Variants in GALNT17 observed in about 807,000 individuals in gnomAD.
The protein encoded by GALNT17 is UDP-GalNAc:polypeptide N-acetylgalactosaminyltransferase-like 3.
In GALNT17, 29 loss-of-function variants were observed where a neutral mutation model predicts 63.7. The observed-to-expected ratio is 0.46, with a 90% CI of 0.34 to 0.62. GALNT17 has a LOEUF of 0.62. Ranked by LOEUF, GALNT17 falls within the 20% of genes least tolerant of loss-of-function variation. GALNT17 has a pLI of 0.01. For synonymous variants in GALNT17, 305 were observed against 318.3 expected, an observed-to-expected ratio of 0.96 and a Z score of 0.45; for missense variants, 603 against 799.6, an observed-to-expected ratio of 0.75 and a Z score of 2.97.
At chr7:71,579,806 A>G (rs528108196) in intron 6 of GALNT17, among the ~76,000 whole-genome samples, 14 of 152,222 alleles carry the variant, frequency 9.2e-5, no homozygotes, top group African/African-American at 3.1e-4. Context: ...TTTCTTAAGG[A>G]TCACTGTAGA....
intron 1 of GALNT17, among the ~76,000 whole-genome samples, chr7:71,310,988 C>A (rs1177910253): frequency 1.3e-5 from 2 of 152,184 alleles, no homozygotes; most frequent in African/African-American, 2.4e-5. Context: ...GAGCAGCTCG[C>A]CGCTGATGAG....
intron 10 of GALNT17, 43 bp downstream of exon 10, chr7:71,710,971 A>C (rs1325676197): frequency 6.3e-7 from 1 of 1,598,898 alleles, no homozygotes. Flanking sequence ...AGTAGCTGCA[A>C]GAGGCTGCAG....
chr7:71,572,690 A>C (rs1346033337), intron 6 of GALNT17, among the ~76,000 whole-genome samples: 3 of 152,086 alleles, frequency 2.0e-5, no homozygotes, highest in Admixed American at 2.0e-4. Context: ...CTCTTAGCAA[A>C]TTAAAAGTCT....
intron 1 of GALNT17, among the ~76,000 whole-genome samples, chr7:71,142,460 C>G (rs901886154): frequency 6.6e-6 from 1 of 152,188 alleles, no homozygotes; most frequent in Non-Finnish European, 1.5e-5. Context: ...GAAATGGCAG[C>G]CTGTCTGACA....
At chr7:71,621,114 A>G (rs1056929635) in intron 6 of GALNT17, among the ~76,000 whole-genome samples, 3 of 152,224 alleles carry the variant, frequency 2.0e-5, no homozygotes, top group Admixed American at 6.5e-5. Flanking sequence ...CAGCATTCCC[A>G]TATTTTAATT....
intron 1 of GALNT17, among the ~76,000 whole-genome samples, chr7:71,212,371 A>G (rs112971651): frequency 0.042 from 6,310 of 151,300 alleles, 438 homozygotes; most frequent in African/African-American, 0.14. Flanking sequence ...GTATGGAAAA[A>G]CCTGGATGCC....
intron 5 of GALNT17, among the ~76,000 whole-genome samples, chr7:71,515,587 A>C (rs564579682): frequency 1.3e-5 from 2 of 152,038 alleles, no homozygotes; most frequent in African/African-American, 2.4e-5. Context: ...CGCACTCCCT[A>C]CTCATGGATA....
intron 1 of GALNT17, among the ~76,000 whole-genome samples, chr7:71,215,674 G>A (rs1389942160): frequency 6.6e-6 from 1 of 152,062 alleles, no homozygotes; most frequent in Non-Finnish European, 1.5e-5. Flanking sequence ...CATGTCACCT[G>A]TAAATGTCGG....
chr7:71,211,691 G>A (rs1789380797), intron 1 of GALNT17, among the ~76,000 whole-genome samples: 1 of 152,160 alleles, frequency 6.6e-6, no homozygotes, highest in African/African-American at 2.4e-5. Context: ...GGACAATAAG[G>A]TCCAGGCTGA....
At chr7:71,568,963 A>AATTG (rs35988064) in intron 5 of GALNT17, among the ~76,000 whole-genome samples, 85 of 152,122 alleles carry the variant, frequency 5.6e-4, no homozygotes, top group Non-Finnish European at 1.0e-3. Context: ...ATGATTTATC[A>AATTG]ATTGATTGAT....
chr7:71,532,855 C>T (rs1474425613), intron 5 of GALNT17, among the ~76,000 whole-genome samples: 1 of 152,150 alleles, frequency 6.6e-6, no homozygotes, highest in African/African-American at 2.4e-5. Context: ...GAGCTTCTCC[C>T]AGTAAAAGCC....
chr7:71,184,947 C>A (rs1246034100), intron 1 of GALNT17, among the ~76,000 whole-genome samples: 44 of 57,472 alleles, frequency 7.7e-4, no homozygotes, highest in Middle Eastern at 0.02. Context: ...TCACTTCCTT[C>A]CTTCCTTCCT....
intron 1 of GALNT17, among the ~76,000 whole-genome samples, chr7:71,255,244 C>T (rs58101867): frequency 0.051 from 7,703 of 152,206 alleles, 666 homozygotes; most frequent in African/African-American, 0.18. Context: ...CTGAATCATG[C>T]GGGTGGGTCT....
intron 5 of GALNT17, among the ~76,000 whole-genome samples, chr7:71,515,504 A>G (rs1788430443): frequency 6.6e-6 from 1 of 152,170 alleles, no homozygotes; most frequent in African/African-American, 2.4e-5. Flanking sequence ...CATCAGACGC[A>G]GTGATAGTGT....
chr7:71,324,563 C>T (rs958051995), intron 1 of GALNT17, among the ~76,000 whole-genome samples: 1 of 152,104 alleles, frequency 6.6e-6, no homozygotes. Context: ...GAGGTTGAGG[C>T]AGGAGAATCG....
At chr7:71,473,707 T>C (rs1787678870) in intron 5 of GALNT17, among the ~76,000 whole-genome samples, 1 of 152,158 alleles carries the variant, frequency 6.6e-6, no homozygotes, top group Non-Finnish European at 1.5e-5. Flanking sequence ...GGGGCTTCAT[T>C]CAGTCAGTGG....
chr7:71,221,967 G>A (rs1056777507), intron 1 of GALNT17, among the ~76,000 whole-genome samples: 2 of 146,862 alleles, frequency 1.4e-5, no homozygotes, highest in African/African-American at 5.0e-5. Flanking sequence ...GAATGTGGTG[G>A]CATGATCTCA....
chr7:71,389,964 G>A (rs1003976375), intron 3 of GALNT17, among the ~76,000 whole-genome samples: 1 of 152,148 alleles, frequency 6.6e-6, no homozygotes, highest in South Asian at 2.1e-4. Flanking sequence ...GGACAAAGGC[G>A]TGGCATCCAG....
intron 5 of GALNT17, among the ~76,000 whole-genome samples, chr7:71,457,450 G>A (rs1290246525): frequency 1.3e-5 from 2 of 152,192 alleles, no homozygotes; most frequent in Non-Finnish European, 2.9e-5. Flanking sequence ...GGACAAGTCC[G>A]TAGAGTAAAG....
Sources: allele counts gnomAD v4.1 joint callset (sites outside exome capture counted in the v4.1 genomes callset), GRCh38; gene constraint gnomAD v4.1.1; transcripts MANE v1.5; gene names NCBI Gene and HGNC (gene_info 2026-07-23, HGNC 2026-07-21).